ADAM12: variants seen among roughly 807,000 people sequenced by gnomAD.
The protein encoded by ADAM12 is ADAM metallopeptidase domain 12.
Under a neutral mutation model 106.4 loss-of-function variants are expected in ADAM12, and 70 were observed. The observed-to-expected ratio is 0.66, with a 90% CI of 0.54 to 0.80. ADAM12 has a LOEUF of 0.80. Ranked by LOEUF, ADAM12 falls within the 30% of genes least tolerant of loss-of-function variation. The pLI, the probability that ADAM12 is intolerant of heterozygous loss-of-function variation, is 0.00. For synonymous variants in ADAM12, 420 were observed against 433.5 expected (o/e 0.97, Z 0.39); for missense variants, 1,010 against 1,171.9 (o/e 0.86, Z 2.02).
chr10:126,081,522 GT>G (rs1565041412), intron 11 of ADAM12, among the ~76,000 whole-genome samples: 5 of 152,324 alleles, frequency 3.3e-5, no homozygotes, highest in South Asian at 2.1e-4. Context: ...CCAAAATGGA[GT>G]TTTGTTTTTC....
At position 126,385,611 on chromosome 10, in the gene ADAM12, G is replaced by A. The variant is rs552866044; in HGVS notation, c.88+2447C>T. ...GATGAAATGCCATAAAACACTGCAC[G>A]GCAAAACAGTGAAAAGTATTTGCAA... On this transcript the variant is annotated intron_variant, in intron 1 of 22. Coordinates refer to ENST00000448723, the MANE Select transcript of ADAM12 (RefSeq NM_001288973.2). 8.6e-5 allele frequency among the ~76,000 whole-genome samples: 13 copies of A among 151,894 alleles called. No individual in the cohort carries two copies. The South Asian group carries it at 1.0e-3, about 12-fold the overall frequency.
chr10:126,355,507 TACAGAA>T (rs1218501002), intron 1 of ADAM12, among the ~76,000 whole-genome samples: 1 of 152,176 alleles, frequency 6.6e-6, no homozygotes. Context: ...CTGCCTAGAC[TACAGAA>T]ATGAATGAAG....
intron 3 of ADAM12, among the ~76,000 whole-genome samples, chr10:126,237,980 T>G (rs1958451241): frequency 3.3e-5 from 5 of 152,288 alleles, no homozygotes; most frequent in Admixed American, 3.3e-4. Context: ...GATAAAAGAA[T>G]GGGTGAAAGT....
chr10:126,183,877 C>T (rs1957356777), intron 3 of ADAM12, among the ~76,000 whole-genome samples: 1 of 152,200 alleles, frequency 6.6e-6, no homozygotes, highest in South Asian at 2.1e-4. Context: ...CGTGTAACTG[C>T]AGAAGAATCT....
At chr10:126,140,890 G>T (rs1254616114) in intron 4 of ADAM12, among the ~76,000 whole-genome samples, 1 of 152,180 alleles carries the variant, frequency 6.6e-6, no homozygotes, top group African/African-American at 2.4e-5. Context: ...AACCCCTGGG[G>T]GTGGGGGGTG....
chr10:126,147,257 C>T (rs1956645507), intron 4 of ADAM12, among the ~76,000 whole-genome samples: 2 of 152,188 alleles, frequency 1.3e-5, no homozygotes, highest in Admixed American at 1.3e-4. Context: ...TCCTTCCTTT[C>T]ATTCCGTGCA....
chr10:126,026,866 T>C (rs527459469), intron 21 of ADAM12, among the ~76,000 whole-genome samples: 1 of 151,900 alleles, frequency 6.6e-6, no homozygotes, highest in African/African-American at 2.4e-5. Context: ...CTAAAAGAAC[T>C]AGAGAAACAA....
chr10:126,163,161 C>T (rs1000747476), intron 3 of ADAM12, among the ~76,000 whole-genome samples: 9 of 152,290 alleles, frequency 5.9e-5, no homozygotes, highest in African/African-American at 2.2e-4. Flanking sequence ...CCTGCAGAAC[C>T]GTGAGCCAAT....
intron 18 of ADAM12, chr10:126,041,616 G>C: frequency 1.0e-6 from 1 of 986,624 alleles, no homozygotes; most frequent in Non-Finnish European, 1.2e-6. Context: ...ATGGGTGGCA[G>C]GGTCTCTGAT....
intron 2 of ADAM12, among the ~76,000 whole-genome samples, chr10:126,300,224 C>G (rs1186860980): frequency 1.3e-5 from 2 of 152,140 alleles, no homozygotes; most frequent in Non-Finnish European, 2.9e-5. Flanking sequence ...GGGTCAGGGT[C>G]AAAGCTAAAG....
At chr10:126,143,579 T>G (rs11812621) in intron 4 of ADAM12, among the ~76,000 whole-genome samples, 12 of 107,524 alleles carry the variant, frequency 1.1e-4, no homozygotes, top group African/African-American at 5.8e-4. Flanking sequence ...ATGTGTATAT[T>G]TGTGTGTGTA....
intron 12 of ADAM12, among the ~76,000 whole-genome samples, chr10:126,067,381 C>G (rs571442111): frequency 6.6e-6 from 1 of 152,322 alleles, no homozygotes; most frequent in South Asian, 2.1e-4. Context: ...CTCGGAAAGT[C>G]AGAAATGGAC....
intron 4 of ADAM12, among the ~76,000 whole-genome samples, chr10:126,154,004 C>T (rs1400910700): frequency 6.6e-6 from 1 of 152,212 alleles, no homozygotes; most frequent in Non-Finnish European, 1.5e-5. Flanking sequence ...CCTCCCAGCC[C>T]CCATCCCTGG....
chr10:126,088,038 G>T (rs773174355), intron 11 of ADAM12, among the ~76,000 whole-genome samples: 4 of 152,106 alleles, frequency 2.6e-5, no homozygotes, highest in Non-Finnish European at 5.9e-5. Flanking sequence ...CTCCCTGTTT[G>T]CAATAAATTA....
intron 3 of ADAM12, among the ~76,000 whole-genome samples, chr10:126,193,264 C>CAAAAA (rs757716875): frequency 1.8e-3 from 49 of 26,612 alleles, no homozygotes; most frequent in Non-Finnish European, 3.3e-3. Flanking sequence ...GACTCCATCT[C>CAAAAA]AAAAAAAAAA....
intron 4 of ADAM12, 40 bp downstream of exon 4, chr10:126,155,187 G>A (rs1466360): frequency 0.42 from 664,391 of 1,595,638 alleles, 144,922 homozygotes; most frequent in East Asian, 0.78. Context: ...CACAGATCCA[G>A]TGGTGTAAGA....
At chr10:126,211,285 CCT>C (rs944909942) in intron 3 of ADAM12, among the ~76,000 whole-genome samples, 2 of 152,150 alleles carry the variant, frequency 1.3e-5, no homozygotes, top group Admixed American at 6.5e-5. Context: ...TGTTTGTTCC[CCT>C]GTTCTTTTGC....
At chr10:126,106,774 G>A (rs1018969542) in intron 8 of ADAM12, among the ~76,000 whole-genome samples, 7 of 152,040 alleles carry the variant, frequency 4.6e-5, no homozygotes, top group South Asian at 2.1e-4. Flanking sequence ...GTAAGCCACC[G>A]CGCCCGCTCA....
intron 21 of ADAM12, among the ~76,000 whole-genome samples, chr10:126,024,186 A>C (rs1913742): frequency 0.24 from 36,774 of 152,160 alleles, 4,822 homozygotes; most frequent in East Asian, 0.33. Flanking sequence ...ACACTATATT[A>C]ATGGATACAT....
Sources: allele counts gnomAD v4.1 joint callset (sites outside exome capture counted in the v4.1 genomes callset), GRCh38; gene constraint gnomAD v4.1.1; transcripts MANE v1.5; gene names NCBI Gene and HGNC (gene_info 2026-07-23, HGNC 2026-07-21).